Variants in BLACAT1 observed in about 807,000 individuals in gnomAD.
The protein encoded by BLACAT1 is bladder cancer associated transcript 1.
rs116479595 is a variant in BLACAT1 at position 205,448,432 on chromosome 1, C to T, written c.-36-7370G>A. On this transcript the variant is annotated intron_variant, in intron 1 of 1. Coordinates refer to ENST00000629624, the Ensembl canonical transcript of BLACAT1. The surrounding 1 kb of genome is among the most constrained non-coding windows in gnomAD (Gnocchi z 4.7). ...CAGCGGCAGGAATCTCATAGGGAAGCGAGAAGCTGGGGCACCCGAGAAGCC... is the reference window on the plus strand; with the variant it reads ...CAGCGGCAGGAATCTCATAGGGAAGTGAGAAGCTGGGGCACCCGAGAAGCC... 1,390 of 532,234 alleles carry T rather than the reference C, an allele frequency of 2.6e-3. 14 individuals are homozygous for T. Among genetic ancestry groups the T allele is most frequent in the African/African-American group, 0.022 (1,141 of 51,932 alleles). The allele number at this position is 532,234 out of a possible 1,614,324, so 33.0% of individuals were successfully genotyped here.
intron 1 of BLACAT1, among the ~76,000 whole-genome samples, chr1:205,452,410 CA>C (rs1035219774): frequency 6.6e-6 from 1 of 152,138 alleles, no homozygotes. Flanking sequence ...AGGGAAGGGC[CA>C]GGGGGGCAAA....
Position 205,450,724 on chromosome 1 carries a change from C to A in BLACAT1, c.-37+5193G>T, listed in dbSNP as rs1390832588. 2.0e-5 allele frequency among the ~76,000 whole-genome samples: 3 copies of A among 152,174 alleles called. No individual in the cohort carries two copies. The highest frequency in any genetic ancestry group is 2.0e-4 in the Admixed American group (3 of 15,292). Reference sequence around the variant, plus strand: ...ACCAATCCCAGCCCACCTGACAAGCCCCAAGTAAGCTGTGGAAGTAGGGCA... The same window carrying A: ...ACCAATCCCAGCCCACCTGACAAGCACCAAGTAAGCTGTGGAAGTAGGGCA... On this transcript the variant is annotated intron_variant, in intron 1 of 1. Transcript: ENST00000629624. The surrounding 1 kb of genome is among the most constrained non-coding windows in gnomAD (Gnocchi z 4.4).
downstream of BLACAT1, among the ~76,000 whole-genome samples, chr1:205,438,068 G>C (rs1400809926): frequency 6.6e-6 from 1 of 152,230 alleles, no homozygotes; most frequent in Admixed American, 6.5e-5. Context: ...CTTGGGTCCT[G>C]TGGGCCAGGG....
At chr1:205,453,604 G>A (rs1044642377) in intron 1 of BLACAT1, among the ~76,000 whole-genome samples, 5 of 152,172 alleles carry the variant, frequency 3.3e-5, no homozygotes, top group African/African-American at 1.2e-4. Flanking sequence ...AGAGACGGGA[G>A]ACCTGGCAAT....
chr1:205,443,899 C>CTG (rs1666338795), intron 1 of BLACAT1, among the ~76,000 whole-genome samples: 1 of 152,162 alleles, frequency 6.6e-6, no homozygotes, highest in Non-Finnish European at 1.5e-5. Flanking sequence ...CCTGGGGAGT[C>CTG]CCTCTGCCAG....
intron 1 of BLACAT1, among the ~76,000 whole-genome samples, chr1:205,455,062 G>A (rs1006447499): frequency 5.9e-5 from 9 of 152,266 alleles, no homozygotes; most frequent in Admixed American, 5.2e-4. Flanking sequence ...GCCAGCTCTT[G>A]TTCCCCGGGG....
At chr1:205,449,952 C>G (rs1666467403) in intron 1 of BLACAT1, 1 of 152,762 alleles carries the variant, frequency 6.5e-6, no homozygotes, top group African/African-American at 2.4e-5. Flanking sequence ...CAGGCAGCCA[C>G]TCACTCCTCC....
At chr1:205,446,128 G>A (rs1666384104) in intron 1 of BLACAT1, among the ~76,000 whole-genome samples, 1 of 152,228 alleles carries the variant, frequency 6.6e-6, no homozygotes, top group African/African-American at 2.4e-5. Flanking sequence ...GAATCCTCCA[G>A]GGAGAAGGGA....
At chr1:205,438,351 G>A (rs929350919), downstream of BLACAT1, among the ~76,000 whole-genome samples, 2 of 152,228 alleles carry the variant, frequency 1.3e-5, no homozygotes, top group African/African-American at 2.4e-5. Flanking sequence ...GTCTCTGGGA[G>A]AGAACCATGG....
At chr1:205,439,145 G>A (rs1666253441), downstream of BLACAT1, among the ~76,000 whole-genome samples, 1 of 152,186 alleles carries the variant, frequency 6.6e-6, no homozygotes, top group Non-Finnish European at 1.5e-5. Flanking sequence ...AACTTTTTCT[G>A]CCCATCTCTT....
chr1:205,452,391 A>C (rs1300305605), intron 1 of BLACAT1, among the ~76,000 whole-genome samples: 1 of 152,194 alleles, frequency 6.6e-6, no homozygotes, highest in Non-Finnish European at 1.5e-5. Flanking sequence ...GCAGCAGAGA[A>C]AGTCACAGAG....
In BLACAT1 at chr1:205,450,908, C is replaced by A. The variant is rs961495330; in HGVS notation, c.-37+5009G>T. ...TTCCCGAGGAAAACCCTGCTTCCTC[C>A]AATCCCGAGAACCTGGGCAGTGAAA... On this transcript the variant is annotated intron_variant, in intron 1 of 1. Transcript: ENST00000629624. This position sits in a 1 kb window ranked among gnomAD's most constrained non-coding sequence, Gnocchi z 4.4. 2.0e-5 allele frequency among the ~76,000 whole-genome samples: 3 copies of A among 152,186 alleles called. No individual in the cohort carries two copies. Among genetic ancestry groups the A allele is most frequent in the African/African-American group, 7.2e-5 (3 of 41,444 alleles).
At chr1:205,446,686 G>A (rs1345984224) in intron 1 of BLACAT1, among the ~76,000 whole-genome samples, 1 of 152,200 alleles carries the variant, frequency 6.6e-6, no homozygotes, top group East Asian at 1.9e-4. Context: ...GCAGGGTAGG[G>A]AACAGGATAG....
intron 1 of BLACAT1, among the ~76,000 whole-genome samples, chr1:205,443,892 G>GCTACCACACAGTT (rs1666338609): frequency 6.6e-6 from 1 of 152,146 alleles, no homozygotes; most frequent in Non-Finnish European, 1.5e-5. Flanking sequence ...GCAGGTACCT[G>GCTACCACACAGTT]GGGAGTCCCT....
chr1:205,451,239 T>C (rs1193106259), intron 1 of BLACAT1, among the ~76,000 whole-genome samples: 1 of 152,104 alleles, frequency 6.6e-6, no homozygotes, highest in East Asian at 1.9e-4. Flanking sequence ...TCCCCAGAAA[T>C]GCCAACAGAT....
In BLACAT1 at chr1:205,441,253, G is replaced by A. The variant is rs959219709; in HGVS notation, c.-36-191C>T. 1.3e-5 allele frequency among the ~76,000 whole-genome samples: 2 copies of A among 152,196 alleles called. No individual in the cohort carries two copies. The highest frequency in any genetic ancestry group is 4.8e-5 in the African/African-American group (2 of 41,444). On this transcript the variant is annotated intron_variant, in intron 1 of 1. Coordinates refer to ENST00000629624, the Ensembl canonical transcript of BLACAT1. The surrounding 1 kb of genome is among the most constrained non-coding windows in gnomAD (Gnocchi z 4.3). ...TAAACAACAGCTCTTTGAAACCTCA[G>A]TGTTTCCTGATCTGTGTGGAGCTGA...
At chr1:205,440,704 C>T (rs1666278709) in exon 2 of BLACAT1, 1 of 152,498 alleles carries the variant, frequency 6.6e-6, no homozygotes, top group African/African-American at 2.4e-5. Context: ...GGGCCTCTCT[C>T]CAAGGAGGTC....
At chr1:205,451,659 A>T (rs1312927072) in intron 1 of BLACAT1, among the ~76,000 whole-genome samples, 1 of 152,150 alleles carries the variant, frequency 6.6e-6, no homozygotes, top group Non-Finnish European at 1.5e-5. Flanking sequence ...ACACTGAGAG[A>T]AATTGTGAAG....
At chr1:205,440,033 G>T (rs1015111977) in exon 2 of BLACAT1, among the ~76,000 whole-genome samples, 8 of 152,084 alleles carry the variant, frequency 5.3e-5, no homozygotes, top group African/African-American at 1.9e-4. Flanking sequence ...TCCACTGAAG[G>T]CACCACATAT....
Sources: gnomAD v4.1 joint callset for allele counts (sites outside exome capture counted in the v4.1 genomes callset) on GRCh38, gnomAD v4.1.1 for gene constraint, Gnocchi (gnomAD v3.1) non-coding constraint, MANE v1.5 for transcripts, NCBI Gene and HGNC (gene_info 2026-07-23, HGNC 2026-07-21) for gene names.